The following PCCA variants were observed in gnomAD, a reference collection of about 807,000 sequenced individuals.
PCCA encodes propionyl-CoA carboxylase alpha chain, mitochondrial.
A neutral mutation model predicts 101.3 loss-of-function variants in PCCA; 74 were observed. The observed-to-expected ratio is 0.73, with a 90% confidence interval of 0.61 to 0.89. PCCA has a LOEUF of 0.89. Ranked by LOEUF, PCCA falls within the 40% of genes least tolerant of loss-of-function variation. PCCA has a pLI of 0.00. For missense variants in PCCA, 891 were observed against 907.0 expected, an observed-to-expected ratio of 0.98 and a Z score of 0.23; for synonymous variants, 294 against 313.6, an observed-to-expected ratio of 0.94 and a Z score of 0.66.
chr13:100,222,064 C>CA (rs2059850575), intron 7 of PCCA, among the ~76,000 whole-genome samples: 1 of 151,270 alleles, frequency 6.6e-6, no homozygotes, highest in African/African-American at 2.4e-5. Context: ...TTTTTTGAGA[C>CA]AGAGTCTCAC....
At chr13:100,166,653 C>A (rs910119785) in intron 6 of PCCA, among the ~76,000 whole-genome samples, 1 of 152,096 alleles carries the variant, frequency 6.6e-6, no homozygotes, top group African/African-American at 2.4e-5. Context: ...TATGGGTTTA[C>A]CACCATATTT....
chr13:100,528,196 T>C (rs1451306668), intron 23 of PCCA, among the ~76,000 whole-genome samples: 2 of 152,186 alleles, frequency 1.3e-5, no homozygotes, highest in Non-Finnish European at 2.9e-5. Context: ...CAAAACCCCA[T>C]GTACATGTGG....
At chr13:100,273,150 T>G (rs781539626) in intron 11 of PCCA, 46 bp from the exon 12 acceptor site, 1 of 1,511,642 alleles carries the variant, frequency 6.6e-7, no homozygotes, top group Admixed American at 1.7e-5. Flanking sequence ...AAAAGATAAC[T>G]TGATTTTTGT....
At chr13:100,440,008 ATTGAATAGGTCT>A (rs1350597029) in intron 20 of PCCA, among the ~76,000 whole-genome samples, 4 of 151,802 alleles carry the variant, frequency 2.6e-5, no homozygotes, top group Non-Finnish European at 5.9e-5. Flanking sequence ...TGCATTCTAT[ATTGAATAGGTCT>A]TTGATATTCA....
At chr13:100,297,669 T>C (rs919155695) in intron 12 of PCCA, among the ~76,000 whole-genome samples, 1 of 152,170 alleles carries the variant, frequency 6.6e-6, no homozygotes, top group African/African-American at 2.4e-5. Flanking sequence ...AGTAGATCTA[T>C]AAAAAGCTAG....
intron 8 of PCCA, among the ~76,000 whole-genome samples, chr13:100,257,270 A>G (rs143461316): frequency 7.4e-4 from 112 of 152,326 alleles, no homozygotes; most frequent in Middle Eastern, 6.8e-3. Flanking sequence ...TGTTTCTTAT[A>G]TCTTTGATTA....
At chr13:100,330,233 A>G (rs2069344926) in intron 16 of PCCA, among the ~76,000 whole-genome samples, 1 of 152,198 alleles carries the variant, frequency 6.6e-6, no homozygotes, top group African/African-American at 2.4e-5. Context: ...AGCTGATGTA[A>G]TGGTCCCTAT....
chr13:100,296,815 T>G (rs894639642), intron 12 of PCCA, among the ~76,000 whole-genome samples: 7 of 152,206 alleles, frequency 4.6e-5, no homozygotes, highest in Middle Eastern at 3.2e-3. Context: ...GATTTGGACA[T>G]TAACATATTA....
chr13:100,119,769 C>T (rs2049182111), intron 4 of PCCA, among the ~76,000 whole-genome samples: 1 of 152,170 alleles, frequency 6.6e-6, no homozygotes, highest in South Asian at 2.1e-4. Flanking sequence ...TGTTTCCTTT[C>T]TCTGATCGTT....
intron 4 of PCCA, among the ~76,000 whole-genome samples, chr13:100,146,857 A>G (rs148152257): frequency 5.0e-5 from 7 of 140,156 alleles, no homozygotes; most frequent in Non-Finnish European, 1.0e-4. Context: ...ATACATATGT[A>G]TGCAGATTGG....
At chr13:100,340,090 A>G (rs1028684434) in intron 17 of PCCA, 67 bp from the exon 18 acceptor site, 16 of 887,428 alleles carry the variant, frequency 1.8e-5, no homozygotes, top group Middle Eastern at 4.3e-4. Context: ...TAGTAATTCT[A>G]TAGGAGAGAA....
intron 20 of PCCA, among the ~76,000 whole-genome samples, chr13:100,439,240 C>T (rs1254316960): frequency 6.6e-6 from 1 of 152,128 alleles, no homozygotes; most frequent in Non-Finnish European, 1.5e-5. Flanking sequence ...TGGTTTTTAT[C>T]TCTTAAAATT....
At chr13:100,179,732 T>TGTGTGTGTGTGTTTGTGTGTGTGTGTAC (rs2056617518) in intron 6 of PCCA, among the ~76,000 whole-genome samples, 1 of 92,346 alleles carries the variant, frequency 1.1e-5, no homozygotes, top group African/African-American at 2.8e-5. Context: ...TTCCTGTCTG[T>TGTGTGTGTGTGTTTGTGTGTGTGTGTAC]GTGTGTGTGT....
intron 16 of PCCA, among the ~76,000 whole-genome samples, chr13:100,328,104 C>G (rs1367809282): frequency 2.0e-5 from 3 of 152,084 alleles, no homozygotes; most frequent in Non-Finnish European, 2.9e-5. Flanking sequence ...GTGGCTCACG[C>G]CTGTAATCCT....
At position 100,102,940 on chromosome 13, in the gene PCCA, G is replaced by A. The variant is rs1177644152; in HGVS notation, c.163G>A (p.Gly55Arg). Residue 55 changes from glycine to arginine, a missense_variant, in exon 2 of 24, where the codon GGA becomes AGA. Gly to Arg is a moderately radical substitution (Grantham distance 125). Transcript: ENST00000376285. The stretch of plus-strand genomic sequence containing the variant: ...GGTGTCCCGTAATCTTGGTTCAGTG[G>A]GATATGATCCTAATGAAAAAGTAAG... ...LMVSRNLGSV[G>R]YDPNEKTFDK... 2 of 1,601,214 alleles carry A rather than the reference G, an allele frequency of 1.2e-6. No homozygotes were observed. The highest frequency in any genetic ancestry group is 2.7e-5 in the African/African-American group (2 of 74,610).
intron 18 of PCCA, among the ~76,000 whole-genome samples, chr13:100,353,531 G>T (rs2073545179): frequency 6.6e-6 from 1 of 152,092 alleles, no homozygotes; most frequent in Admixed American, 6.5e-5. Context: ...ATAACCAATA[G>T]ATTTACAAAA....
intron 8 of PCCA, among the ~76,000 whole-genome samples, chr13:100,244,363 T>G (rs528676928): frequency 6.7e-4 from 102 of 152,312 alleles, no homozygotes; most frequent in African/African-American, 2.3e-3. Flanking sequence ...GCTTATATTT[T>G]CTTTTATTAT....
rs528530719 is a variant in PCCA at position 100,113,891 on chromosome 13, CT to C, written c.300+1833del. On this transcript the variant is annotated intron_variant, in intron 4 of 23. Coordinates refer to ENST00000376285, the MANE Select transcript of PCCA (RefSeq NM_000282.4). Reference sequence around the variant, plus strand: ...ACCACGCCCGGTTTACTCTTTGACTCTTTCATAATAAAACAGCATAAAATGC... The same window carrying C: ...ACCACGCCCGGTTTACTCTTTGACTCTTCATAATAAAACAGCATAAAATGC... Among the ~76,000 whole-genome samples the C allele has an allele frequency of 3.5e-4, 54 of 152,280 alleles. No individual in the cohort carries two copies. The Middle Eastern group carries it at 0.017, about 48-fold the overall frequency.
chr13:100,142,048 T>C (rs2051939822), intron 4 of PCCA, among the ~76,000 whole-genome samples: 2 of 151,186 alleles, frequency 1.3e-5, no homozygotes, highest in South Asian at 4.2e-4. Flanking sequence ...TCATTTTTTC[T>C]GATCTTTTTA....
Sources: allele counts gnomAD v4.1 joint callset (sites outside exome capture counted in the v4.1 genomes callset), GRCh38; gene constraint gnomAD v4.1.1; transcripts MANE v1.5; gene names NCBI Gene and HGNC (gene_info 2026-07-23, HGNC 2026-07-21).